Variants in SAP30BP observed in about 807,000 individuals in gnomAD.
SAP30BP encodes the protein SAP30 binding protein, also known as SAP30-binding protein.
In SAP30BP, 31 loss-of-function variants were observed where a neutral mutation model predicts 46.3. The ratio of observed to expected loss-of-function variants is 0.67; its 90% CI spans 0.50 to 0.90. The LOEUF is 0.90. SAP30BP is among the 40% of genes least tolerant of loss of function. The pLI is 0.00. For synonymous variants in SAP30BP, 169 were observed against 144.2 expected (o/e 1.17, Z -1.23); for missense variants, 312 against 391.0 (o/e 0.80, Z 1.70).
At chr17:75,687,531 G>A (rs1172396054) in intron 3 of SAP30BP, among the ~76,000 whole-genome samples, 1 of 151,632 alleles carries the variant, frequency 6.6e-6, no homozygotes, top group African/African-American at 2.4e-5. Context: ...CAAGAGAATT[G>A]CTTGAGCCCA....
intron 3 of SAP30BP, among the ~76,000 whole-genome samples, chr17:75,673,400 A>C (rs575462491): frequency 6.6e-6 from 1 of 152,216 alleles, no homozygotes; most frequent in Admixed American, 6.5e-5. Context: ...AGAACAAAAC[A>C]CTCAGTAGTG....
intron 4 of SAP30BP, among the ~76,000 whole-genome samples, chr17:75,698,488 A>C (rs1366737352): frequency 6.6e-6 from 1 of 152,188 alleles, no homozygotes; most frequent in Non-Finnish European, 1.5e-5. Flanking sequence ...AAATCTTGCA[A>C]GTATTTTAGA....
chr17:75,679,628 G>C (rs1402922732), intron 3 of SAP30BP: 2 of 152,218 alleles, frequency 1.3e-5, no homozygotes, highest in Admixed American at 6.5e-5. Flanking sequence ...ATTGGGCTCT[G>C]CAGGTGCTGA....
intron 8 of SAP30BP, 69 bp downstream of exon 8, chr17:75,703,928 G>C (rs556368207): frequency 8.7e-7 from 1 of 1,143,194 alleles, no homozygotes; most frequent in South Asian, 1.2e-5. Context: ...CAGTCAGTTG[G>C]TTATCCAGGT....
chr17:75,706,490 T>G lies in SAP30BP; in HGVS notation c.896T>G (p.Val299Gly). 6.2e-7 allele frequency: 1 copy of G among 1,614,076 alleles called. No individual in the cohort carries two copies. Among genetic ancestry groups the G allele is most frequent in the Non-Finnish European group, 8.5e-7 (1 of 1,180,022 alleles). The change falls in exon 11 of 11, where the codon GTG becomes GGG. Residue 299 changes from valine to glycine, a missense_variant. Val to Gly is a moderately radical substitution (Grantham distance 109). This residue lies in a region of SAP30BP where 16 missense variants were observed against 44.4 expected (regional missense o/e 0.36). Transcript: ENST00000584667. This position sits in a 1 kb window ranked among gnomAD's most constrained non-coding sequence, Gnocchi z 4.6. ...SGSKTTVISAVGTIVKKAKQ is the reference protein window; with the variant it reads ...SGSKTTVISAGGTIVKKAKQ ...TCCAAGACCACCGTCATCTCTGCTG[T>G]GGGCACCATTGTGAAGAAGGCCAAG...
At chr17:75,698,724 C>T (rs546694623) in intron 4 of SAP30BP, among the ~76,000 whole-genome samples, 1 of 152,336 alleles carries the variant, frequency 6.6e-6, no homozygotes, top group South Asian at 2.1e-4. Context: ...ACATCTCTTC[C>T]CAGCCTTGAG....
chr17:75,698,450 G>A (rs820214), intron 4 of SAP30BP, among the ~76,000 whole-genome samples: 3,510 of 150,724 alleles, frequency 0.023, 46 homozygotes, highest in Middle Eastern at 0.085. Context: ...AGACGAGACG[G>A]GTGGCCCCAA....
At chr17:75,679,067 C>T (rs1034242484) in intron 3 of SAP30BP, among the ~76,000 whole-genome samples, 1 of 150,066 alleles carries the variant, frequency 6.7e-6, no homozygotes, top group Non-Finnish European at 1.5e-5. Context: ...CATCTCAGCT[C>T]ACTGCAAGCT....
chr17:75,681,195 A>G (rs1383462340), intron 3 of SAP30BP, among the ~76,000 whole-genome samples: 1 of 152,200 alleles, frequency 6.6e-6, no homozygotes, highest in Non-Finnish European at 1.5e-5. Context: ...TGTTTCCTGT[A>G]ACAGTTTTGT....
intron 3 of SAP30BP, among the ~76,000 whole-genome samples, chr17:75,687,018 G>T (rs1309774618): frequency 1.3e-5 from 2 of 152,204 alleles, no homozygotes; most frequent in East Asian, 3.8e-4. Flanking sequence ...TTACTTTGAT[G>T]CCTCCACAAG....
chr17:75,706,254 C>T lies in SAP30BP; in HGVS notation c.746-86C>T, dbSNP rs960159277. The T allele has an allele frequency of 6.4e-7, 1 of 1,551,600 alleles. No individual in the cohort carries two copies. Among genetic ancestry groups the T allele is most frequent in the Non-Finnish European group, 8.8e-7 (1 of 1,141,872 alleles). ...GGTGGGCCACTTCGGGGTCTGCTCC[C>T]TAGACTCCCGCTGGCCTGCAGGGGG... On this transcript the variant is annotated intron_variant, in intron 10 of 10. Transcript: ENST00000584667. The surrounding 1 kb of genome is among the most constrained non-coding windows in gnomAD (Gnocchi z 4.6).
chr17:75,698,228 T>TG (rs1457495421), intron 4 of SAP30BP, among the ~76,000 whole-genome samples: 2 of 152,240 alleles, frequency 1.3e-5, no homozygotes, highest in African/African-American at 4.8e-5. Flanking sequence ...AATTGTCCCC[T>TG]GGGGGTTGTG....
At chr17:75,698,195 G>T (rs887309136) in intron 4 of SAP30BP, among the ~76,000 whole-genome samples, 1 of 152,210 alleles carries the variant, frequency 6.6e-6, no homozygotes. Flanking sequence ...AAGGCCTGCC[G>T]GACAGTGGCA....
chr17:75,690,202 T>G (rs1388310308), intron 3 of SAP30BP, among the ~76,000 whole-genome samples: 1 of 152,174 alleles, frequency 6.6e-6, no homozygotes, highest in Non-Finnish European at 1.5e-5. Context: ...ATAACTGTCA[T>G]GGGTGCTTGG....
chr17:75,702,419 G>A, intron 5 of SAP30BP, 61 bp from the exon 6 acceptor site: 1 of 691,836 alleles, frequency 1.4e-6, no homozygotes, highest in Admixed American at 2.2e-5. Flanking sequence ...CCAGGGGCTG[G>A]GACGGTGGAG....
chr17:75,700,079 C>G (rs145600775), intron 5 of SAP30BP: 3 of 398,896 alleles, frequency 7.5e-6, no homozygotes, highest in African/African-American at 2.0e-5. Flanking sequence ...CGCCATGTCC[C>G]GTGGTGCTGC....
intron 3 of SAP30BP, among the ~76,000 whole-genome samples, chr17:75,682,464 C>T (rs906175066): frequency 1.3e-5 from 2 of 152,180 alleles, no homozygotes; most frequent in Non-Finnish European, 1.5e-5. Flanking sequence ...GGATTACAAG[C>T]GTGAGCTGGG....
chr17:75,673,932 G>A (rs1192515857), intron 3 of SAP30BP, among the ~76,000 whole-genome samples: 1 of 152,166 alleles, frequency 6.6e-6, no homozygotes, highest in Non-Finnish European at 1.5e-5. Context: ...TTTTACTGTG[G>A]AATGAAAAGT....
Position 75,667,356 on chromosome 17 carries a change from C to A in SAP30BP, c.-17C>A. The A allele has an allele frequency of 6.2e-7, 1 of 1,613,584 alleles. No homozygotes were observed. The highest frequency in any genetic ancestry group is 8.5e-7 in the Non-Finnish European group (1 of 1,179,558). On this transcript the variant is annotated 5_prime_UTR_variant, in exon 1 of 11. Transcript: ENST00000584667. ...TTGAGTCATAGGAGTGAGCCACGCC[C>A]GGGCTGTGGGAATAAGATGGCGGGG...
Sources: allele counts gnomAD v4.1 joint callset (sites outside exome capture counted in the v4.1 genomes callset), GRCh38; gene constraint gnomAD v4.1.1; regional missense constraint gnomAD v4.1.1; non-coding constraint Gnocchi (gnomAD v3.1); transcripts MANE v1.5; gene names NCBI Gene and HGNC (gene_info 2026-07-23, HGNC 2026-07-21).